The following ANO10 variants were observed in gnomAD, a reference collection of about 807,000 sequenced individuals.
ANO10 encodes anoctamin 10.
Under a neutral mutation model 74.7 loss-of-function variants are expected in ANO10, and 77 were observed. The observed-to-expected ratio is 1.03, with a 90% CI of 0.86 to 1.25. ANO10 has a LOEUF of 1.25. ANO10 is among the 50% of genes most tolerant of loss of function. The pLI, the probability that ANO10 is intolerant of heterozygous loss-of-function variation, is 0.00. For missense variants in ANO10, 721 were observed against 778.1 expected (o/e 0.93, Z 0.87); for synonymous variants, 279 against 284.9 (o/e 0.98, Z 0.21).
chr3:43,526,534 T>C (rs2149233779), intron 11 of ANO10, among the ~76,000 whole-genome samples: 1 of 152,298 alleles, frequency 6.6e-6, no homozygotes, highest in African/African-American at 2.4e-5. Flanking sequence ...CAAGAGAATG[T>C]ATAGTATAAC....
chr3:43,587,964 C>G (rs371904614), intron 4 of ANO10, among the ~76,000 whole-genome samples: 11 of 152,188 alleles, frequency 7.2e-5, no homozygotes, highest in African/African-American at 2.6e-4. Flanking sequence ...CAAACTGACC[C>G]CAGTAGTGAT....
In ANO10 at chr3:43,398,813, T is replaced by C. The variant is rs961726279; in HGVS notation, c.1915-31839A>G. 2.6e-5 allele frequency among the ~76,000 whole-genome samples: 4 copies of C among 152,250 alleles called. No individual in the cohort carries two copies. The East Asian group carries it at 7.7e-4, about 29-fold the overall frequency. On this transcript the variant is annotated intron_variant, in intron 12 of 12. Transcript: ENST00000292246. ...TGCCTCAGTTACTTCATCTGTAAAA[T>C]GGGGATAATAGTATCTATCTCATAG...
chr3:43,624,745 A>G (rs2083477081), upstream of ANO10, among the ~76,000 whole-genome samples: 1 of 152,226 alleles, frequency 6.6e-6, no homozygotes, highest in South Asian at 2.1e-4. Context: ...GACCTACAGT[A>G]TGGACACACC....
chr3:43,614,856 T>C (rs2083019675), intron 1 of ANO10, among the ~76,000 whole-genome samples: 1 of 140,058 alleles, frequency 7.1e-6, no homozygotes, highest in African/African-American at 2.6e-5. Flanking sequence ...TTAAGCCAAA[T>C]ATGCATGTAA....
chr3:43,418,833 G>T (rs562434689), intron 12 of ANO10, among the ~76,000 whole-genome samples: 2 of 152,346 alleles, frequency 1.3e-5, no homozygotes, highest in East Asian at 3.9e-4. Context: ...GAAGGGAATG[G>T]CAATAGGTCC....
intron 1 of ANO10, among the ~76,000 whole-genome samples, chr3:43,610,483 C>T (rs751037237): frequency 1.6e-4 from 24 of 152,116 alleles, no homozygotes; most frequent in Admixed American, 7.2e-4. Flanking sequence ...ATTATATGTG[C>T]TACTTTTATG....
At chr3:43,443,951 G>A (rs1212424012) in intron 11 of ANO10, among the ~76,000 whole-genome samples, 1 of 151,882 alleles carries the variant, frequency 6.6e-6, no homozygotes, top group Non-Finnish European at 1.5e-5. Flanking sequence ...CAAAGTGCTG[G>A]GATTACAGGC....
chr3:43,464,408 G>C (rs1425376152), intron 11 of ANO10, among the ~76,000 whole-genome samples: 2 of 152,188 alleles, frequency 1.3e-5, no homozygotes, highest in Non-Finnish European at 2.9e-5. Flanking sequence ...GGCTAGGCTT[G>C]GTGGCTCACA....
chr3:43,570,419 C>T lies in ANO10; in HGVS notation c.1218+4390G>A, dbSNP rs1455274697. ...GAACAAAGCTGGAGGCATCACACTA[C>T]CTGACTTCAAACTATACTACAAGGC... On this transcript the variant is annotated intron_variant, in intron 7 of 12. Transcript: ENST00000292246. Among the ~76,000 whole-genome samples, 3 of 151,518 alleles carry T rather than the reference C, an allele frequency of 2.0e-5. No individual in the cohort carries two copies. The East Asian group carries it at 5.8e-4, about 29-fold the overall frequency.
chr3:43,486,522 C>T (rs2076496484), intron 11 of ANO10, among the ~76,000 whole-genome samples: 1 of 150,226 alleles, frequency 6.7e-6, no homozygotes, highest in Non-Finnish European at 1.5e-5. Flanking sequence ...AAGTCCTTCA[C>T]ATCCCTTGTA....
intron 1 of ANO10, among the ~76,000 whole-genome samples, chr3:43,621,199 C>T (rs527519640): frequency 6.6e-6 from 1 of 152,256 alleles, no homozygotes; most frequent in Non-Finnish European, 1.5e-5. Flanking sequence ...CAGAAGGCAG[C>T]GCACACCAAT....
At position 43,644,137 on chromosome 3, in the gene ANO10, G is replaced by A. The variant is rs563891735; in HGVS notation, c.-11-38274C>T. ...TTGCTGAATGTTGAAAAGGCTTTCC[G>A]TGTCCCCAGGTTATAAAGTAATTCA... On this transcript the variant is annotated intron_variant, in intron 1 of 3. Transcript: ENST00000413397. 2.6e-5 allele frequency among the ~76,000 whole-genome samples: 4 copies of A among 152,020 alleles called. No individual in the cohort carries two copies. In the East Asian group the frequency reaches 7.7e-4, roughly 29 times the overall value.
intron 11 of ANO10, chr3:43,485,831 A>C (rs2076461275): frequency 3.5e-6 from 1 of 283,436 alleles, no homozygotes; most frequent in African/African-American, 2.3e-5. Flanking sequence ...CGGGGTGTGC[A>C]GGCAGCGACC....
chr3:43,522,894 C>A (rs2078020871), intron 11 of ANO10, among the ~76,000 whole-genome samples: 1 of 152,058 alleles, frequency 6.6e-6, no homozygotes, highest in African/African-American at 2.4e-5. Context: ...CTCTTGGGGT[C>A]CAAAAGCTTA....
At chr3:43,423,921 G>A (rs950201789) in intron 12 of ANO10, among the ~76,000 whole-genome samples, 1 of 152,138 alleles carries the variant, frequency 6.6e-6, no homozygotes, top group Non-Finnish European at 1.5e-5. Flanking sequence ...AAATAGGTGG[G>A]ATTGCCACAA....
At chr3:43,444,917 A>G (rs1183015991) in intron 11 of ANO10, among the ~76,000 whole-genome samples, 1 of 152,146 alleles carries the variant, frequency 6.6e-6, no homozygotes, top group East Asian at 1.9e-4. Flanking sequence ...AGGTCAGGAG[A>G]TCGAGACCAT....
At chr3:43,672,086 C>T (rs2084066048) in intron 1 of ANO10, among the ~76,000 whole-genome samples, 1 of 152,168 alleles carries the variant, frequency 6.6e-6, no homozygotes. Flanking sequence ...TGCATGACTG[C>T]TGGGAATGTC....
At chr3:43,615,831 T>C (rs2083073604) in intron 1 of ANO10, among the ~76,000 whole-genome samples, 1 of 151,974 alleles carries the variant, frequency 6.6e-6, no homozygotes, top group Admixed American at 6.6e-5. Flanking sequence ...GTTTTTGTAT[T>C]TTTAGTAGAG....
chr3:43,598,343 G>T (rs1298801640), intron 4 of ANO10, among the ~76,000 whole-genome samples, 189 bp downstream of exon 4: 1 of 152,118 alleles, frequency 6.6e-6, no homozygotes, highest in African/African-American at 2.4e-5. Flanking sequence ...TAAATAAGTA[G>T]TCAACAATAT....
Sources: gnomAD v4.1 joint callset for allele counts (sites outside exome capture counted in the v4.1 genomes callset) on GRCh38, gnomAD v4.1.1 for gene constraint, MANE v1.5 for transcripts, NCBI Gene and HGNC (gene_info 2026-07-23, HGNC 2026-07-21) for gene names.